The following RAD18 variants were observed in gnomAD, a reference collection of about 807,000 sequenced individuals.
RAD18 encodes RAD18 E3 ubiquitin protein ligase.
A neutral mutation model predicts 60.4 loss-of-function variants in RAD18; 47 were observed. The observed-to-expected ratio is 0.78, with a 90% CI of 0.62 to 0.99. The LOEUF (loss-of-function observed/expected upper bound fraction) is 0.99, where lower values mean the gene tolerates loss of function less well. RAD18 is among the 50% of genes least tolerant of loss of function. The probability of loss-of-function intolerance (pLI) is 0.00; values close to 1 mark genes in which losing one functional copy is unlikely to be tolerated. For synonymous variants in RAD18, 225 were observed against 195.5 expected, an observed-to-expected ratio of 1.15 and a Z score of -1.26; for missense variants, 640 against 593.3, an observed-to-expected ratio of 1.08 and a Z score of -0.82.
intron 12 of RAD18, among the ~76,000 whole-genome samples, chr3:8,882,611 G>C (rs1939487442): frequency 6.6e-6 from 1 of 152,170 alleles, no homozygotes; most frequent in South Asian, 2.1e-4. Flanking sequence ...AAATGGCTGA[G>C]GGAGAGACAC....
chr3:8,894,953 G>A (rs1479947768), intron 11 of RAD18, among the ~76,000 whole-genome samples: 1 of 151,910 alleles, frequency 6.6e-6, no homozygotes, highest in African/African-American at 2.4e-5. Flanking sequence ...TAAAGGCCAG[G>A]TTTCACCATG....
intron 10 of RAD18, among the ~76,000 whole-genome samples, chr3:8,901,705 A>C (rs566803188): frequency 1.8e-4 from 27 of 152,334 alleles, no homozygotes; most frequent in Admixed American, 3.9e-4. Context: ...AATGATGAAA[A>C]TGTTTTGGAT....
intron 12 of RAD18, among the ~76,000 whole-genome samples, chr3:8,885,233 A>T (rs1032952657): frequency 2.6e-5 from 4 of 152,162 alleles, no homozygotes; most frequent in Non-Finnish European, 5.9e-5. Context: ...GGACCACTGT[A>T]AACAGGCCTG....
At chr3:8,896,519 C>T (rs543843284) in intron 11 of RAD18, among the ~76,000 whole-genome samples, 5 of 152,292 alleles carry the variant, frequency 3.3e-5, no homozygotes, top group African/African-American at 1.2e-4. Context: ...ATTTCTTTTT[C>T]GACTGACTCA....
intron 7 of RAD18, among the ~76,000 whole-genome samples, chr3:8,927,916 G>T (rs554278172): frequency 6.6e-6 from 1 of 151,722 alleles, no homozygotes; most frequent in Non-Finnish European, 1.5e-5. Flanking sequence ...GTTTTGGGGT[G>T]GGGGGAGTGG....
intron 12 of RAD18, among the ~76,000 whole-genome samples, chr3:8,884,809 C>T (rs1939529437): frequency 6.6e-6 from 1 of 152,184 alleles, no homozygotes; most frequent in Non-Finnish European, 1.5e-5. Context: ...CCCTAAGATG[C>T]AAGAATCCTA....
chr3:8,896,560 C>A (rs974180908), intron 11 of RAD18, among the ~76,000 whole-genome samples: 1 of 152,202 alleles, frequency 6.6e-6, no homozygotes, highest in Non-Finnish European at 1.5e-5. Flanking sequence ...AAAACAGGGG[C>A]GCTTCAAATG....
chr3:8,941,684 C>T lies in RAD18; in HGVS notation c.387G>A (p.Gly129=). ...PVASRQSLKQ[G]SRLMDNFLIR... is the part of the protein sequence containing the mutation. The stretch of plus-strand genomic sequence containing the variant: ...TCAAGAAATTATCCATTAACCTGCT[C>T]CCCTGCTTTAAAGACTGTCTGGAGG... Residue 129 remains glycine (G), a synonymous_variant, in exon 5 of 13, where the codon GGG becomes GGA. Coordinates refer to ENST00000264926, the MANE Select transcript of RAD18 (RefSeq NM_020165.4). 1.2e-6 allele frequency: 2 copies of T among 1,614,140 alleles called. No homozygotes were observed. The highest frequency in any genetic ancestry group is 1.7e-6 in the Non-Finnish European group (2 of 1,180,004).
intron 7 of RAD18, among the ~76,000 whole-genome samples, chr3:8,927,603 A>G (rs940369131): frequency 5.3e-5 from 8 of 152,240 alleles, no homozygotes; most frequent in Non-Finnish European, 1.2e-4. Context: ...ATTAAGACAC[A>G]TGCACACATA....
In RAD18 at chr3:8,951,822, C is replaced by G. The variant is rs556788692; in HGVS notation, c.134-3252G>C. ...CAGGTTAAACAACAGAAATTGTTTTCTCATGGTTCTGGAGGCTAAAAGTCC... is the reference window on the plus strand; with the variant it reads ...CAGGTTAAACAACAGAAATTGTTTTGTCATGGTTCTGGAGGCTAAAAGTCC... On this transcript the variant is annotated intron_variant, in intron 2 of 12. Coordinates refer to ENST00000264926, the MANE Select transcript of RAD18 (RefSeq NM_020165.4). 2.2e-4 allele frequency among the ~76,000 whole-genome samples: 33 copies of G among 152,310 alleles called. 1 individual carries two copies. Among genetic ancestry groups the G allele is most frequent in the Admixed American group, 1.1e-3 (17 of 15,306 alleles).
intron 7 of RAD18, among the ~76,000 whole-genome samples, chr3:8,922,236 C>T (rs578968): frequency 0.61 from 93,177 of 152,198 alleles, 30,706 homozygotes; most frequent in Middle Eastern, 0.73. Flanking sequence ...GTCACTCCCA[C>T]CCTACTACTG....
At chr3:8,961,965 G>C (rs970281930) in intron 1 of RAD18, among the ~76,000 whole-genome samples, 2 of 152,084 alleles carry the variant, frequency 1.3e-5, no homozygotes, top group South Asian at 4.2e-4. Context: ...AATTAAAAGG[G>C]GAAAGAAGCA....
At position 8,950,232 on chromosome 3, in the gene RAD18, C is replaced by T. The variant is rs1940906886; in HGVS notation, c.134-1662G>A. Among the ~76,000 whole-genome samples, 4 of 152,218 alleles carry T rather than the reference C, an allele frequency of 2.6e-5. No homozygotes were observed. The South Asian group carries it at 6.2e-4, about 24-fold the overall frequency. On this transcript the variant is annotated intron_variant, in intron 2 of 12. Coordinates refer to ENST00000264926, the MANE Select transcript of RAD18 (RefSeq NM_020165.4). ...TGTATTTTTAGTAGAGATGGGGTTT[C>T]GCCATATTGGCCAGGCTGGTCTCAA... is the stretch of plus-strand genomic sequence containing the variant.
intron 10 of RAD18, among the ~76,000 whole-genome samples, chr3:8,900,284 C>G (rs1939881705): frequency 1.3e-5 from 2 of 152,156 alleles, no homozygotes; most frequent in Admixed American, 1.3e-4. Context: ...CTCTTGTAAA[C>G]AGATACCAGA....
At chr3:8,922,664 C>A (rs1288284471) in intron 7 of RAD18, among the ~76,000 whole-genome samples, 2 of 152,160 alleles carry the variant, frequency 1.3e-5, no homozygotes, top group African/African-American at 2.4e-5. Context: ...GGAGGCACCT[C>A]CCAGTAGGGG....
intron 12 of RAD18, among the ~76,000 whole-genome samples, chr3:8,882,641 C>T (rs6772437): frequency 0.038 from 5,794 of 152,210 alleles, 345 homozygotes; most frequent in African/African-American, 0.13. Context: ...GAAGATATGC[C>T]CCTATTTGGT....
chr3:8,927,369 C>A (rs1228650872), intron 7 of RAD18, among the ~76,000 whole-genome samples: 2 of 152,176 alleles, frequency 1.3e-5, no homozygotes, highest in African/African-American at 4.8e-5. Flanking sequence ...GATACCATCT[C>A]ACACCAGTTA....
In RAD18 at chr3:8,890,279, A is replaced by G; in HGVS notation, c.1385+110T>C. On this transcript the variant is annotated intron_variant, in intron 12 of 12. Coordinates refer to ENST00000264926, the MANE Select transcript of RAD18 (RefSeq NM_020165.4). ...ATCTTTACCTTGCATGAGGATTACT[A>G]CTTCTTTAAACCAGAAAGCAAAAAT... 4.9e-6 allele frequency: 4 copies of G among 823,496 alleles called. No homozygotes were observed. In the South Asian group the frequency reaches 6.6e-5, roughly 14 times the overall value. The allele number at this position is 823,496 out of a possible 1,614,324, so 51.0% of individuals were successfully genotyped here. A position where few individuals can be genotyped will look rare whatever the true frequency, so the allele number is the denominator to read the frequency against.
chr3:8,902,641 C>T (rs1939933733), intron 9 of RAD18, 121 bp from the exon 10 acceptor site: 1 of 988,634 alleles, frequency 1.0e-6, no homozygotes, highest in Non-Finnish European at 1.4e-6. Context: ...CCTGTAATCC[C>T]AGCACTTCAG....
Sources: gnomAD v4.1 joint callset for allele counts (sites outside exome capture counted in the v4.1 genomes callset) on GRCh38, gnomAD v4.1.1 for gene constraint, MANE v1.5 for transcripts, NCBI Gene and HGNC (gene_info 2026-07-23, HGNC 2026-07-21) for gene names.